The following ARAP2 variants were observed in gnomAD, a reference collection of about 807,000 sequenced individuals.
ARAP2 encodes arf-GAP with Rho-GAP domain, ANK repeat and PH domain-containing protein 2.
In ARAP2, 148 loss-of-function variants were observed where a neutral mutation model predicts 194.5. The ratio of observed to expected loss-of-function variants is 0.76; its 90% CI spans 0.67 to 0.87. The LOEUF (loss-of-function observed/expected upper bound fraction) is 0.87. ARAP2 is among the 40% of genes least tolerant of loss of function. ARAP2 has a pLI of 0.00. For missense variants in ARAP2, 2,128 were observed against 1,989.7 expected (o/e 1.07, Z -1.32); for synonymous variants, 695 against 683.5 (o/e 1.02, Z -0.26).
At chr4:36,010,586 C>T (rs1053429611) in intron 9 of ARAP2, among the ~76,000 whole-genome samples, 2 of 152,122 alleles carry the variant, frequency 1.3e-5, no homozygotes, top group Non-Finnish European at 2.9e-5. Context: ...TCAAAGACAA[C>T]AATTCTCTCA....
Position 36,091,918 on chromosome 4 carries a change from A to G in ARAP2, c.4388T>C (p.Leu1463Ser), listed in dbSNP as rs1490606526. ...GTAAAGAAAGAGAAACCCATCTCGT[A>G]AAACAAAATACCGGTCTTGAAACTT... ...GNKFQDRYFV[L>S]RDGFLFLYKD... Residue 1463 changes from leucine (L) to serine (S), a missense_variant, in exon 28 of 33, where the codon TTA becomes TCA. Coordinates refer to ENST00000303965, the MANE Select transcript of ARAP2 (RefSeq NM_015230.4). The G allele has an allele frequency of 6.2e-7, 1 of 1,607,866 alleles. No individual in the cohort carries two copies. The highest frequency in any genetic ancestry group is 1.7e-5 in the Admixed American group (1 of 59,884).
At chr4:36,083,864 G>A (rs1480024634) in intron 28 of ARAP2, among the ~76,000 whole-genome samples, 1 of 152,088 alleles carries the variant, frequency 6.6e-6, no homozygotes, top group African/African-American at 2.4e-5. Context: ...TTGAGTCAGT[G>A]GACTGGGTGG....
intron 27 of ARAP2, among the ~76,000 whole-genome samples, chr4:36,103,780 A>G (rs1380527901): frequency 6.6e-6 from 1 of 151,938 alleles, no homozygotes; most frequent in Non-Finnish European, 1.5e-5. Context: ...ATGAATGAGC[A>G]GAAATTAAGT....
intron 20 of ARAP2, 118 bp downstream of exon 20, chr4:36,133,108 A>AT (rs1292744588): frequency 2.1e-6 from 2 of 956,962 alleles, no homozygotes; most frequent in Non-Finnish European, 3.0e-6. Flanking sequence ...TTTATTTTTC[A>AT]CTAGGATACT....
chr4:36,138,245 C>A (rs936291053), intron 19 of ARAP2, among the ~76,000 whole-genome samples: 2 of 151,686 alleles, frequency 1.3e-5, no homozygotes, highest in Admixed American at 1.3e-4. Flanking sequence ...TTAATGAACT[C>A]ATTTTAAGTG....
chr4:36,035,212 G>C (rs1471957504), intron 5 of ARAP2, among the ~76,000 whole-genome samples: 1 of 151,816 alleles, frequency 6.6e-6, no homozygotes, highest in African/African-American at 2.4e-5. Context: ...TATCAGTCCT[G>C]GTCTCTTTTG....
chr4:36,164,583 C>T (rs1734839727), intron 11 of ARAP2, among the ~76,000 whole-genome samples: 1 of 152,080 alleles, frequency 6.6e-6, no homozygotes, highest in Non-Finnish European at 1.5e-5. Context: ...GAAAGGTGGA[C>T]AAATCTTCAA....
rs1753311066 is a variant in ARAP2 at position 36,240,536 on chromosome 4, C to A, written c.-160+3643G>T. Among the ~76,000 whole-genome samples the A allele has an allele frequency of 2.0e-5, 3 of 152,196 alleles. No individual in the cohort carries two copies. The South Asian group carries it at 6.2e-4, about 31-fold the overall frequency. Reference sequence around the variant, plus strand: ...TACCTGTGTGGCCTTGGGAGAATTCCTCTCTTTTCCTGAGCCTCACTGTTG... The same window carrying A: ...TACCTGTGTGGCCTTGGGAGAATTCATCTCTTTTCCTGAGCCTCACTGTTG... On this transcript the variant is annotated intron_variant, in intron 1 of 32. Coordinates refer to ENST00000303965, the MANE Select transcript of ARAP2 (RefSeq NM_015230.4).
chr4:36,146,199 A>G lies in ARAP2; in HGVS notation c.3263+1097T>C, dbSNP rs1729588481. Reference sequence around the variant, plus strand: ...ATCCTGACACCTCTAACTTCACGAAACATCCACTCACTCCTATTCTCAGGT... The same window carrying G: ...ATCCTGACACCTCTAACTTCACGAAGCATCCACTCACTCCTATTCTCAGGT... On this transcript the variant is annotated intron_variant, in intron 19 of 32. Coordinates refer to ENST00000303965, the MANE Select transcript of ARAP2 (RefSeq NM_015230.4). Among the ~76,000 whole-genome samples, 3 of 151,890 alleles carry G rather than the reference A, an allele frequency of 2.0e-5. No individual in the cohort carries two copies. In the South Asian group the frequency reaches 6.2e-4, roughly 32 times the overall value.
At chr4:36,137,392 T>C (rs1727102930) in intron 19 of ARAP2, among the ~76,000 whole-genome samples, 1 of 151,900 alleles carries the variant, frequency 6.6e-6, no homozygotes. Flanking sequence ...AGAGAATGCA[T>C]AATCGCACAT....
At chr4:36,123,881 T>C (rs539674706) in intron 22 of ARAP2, among the ~76,000 whole-genome samples, 6 of 151,614 alleles carry the variant, frequency 4.0e-5, no homozygotes, top group African/African-American at 1.5e-4. Context: ...CCAATTCATA[T>C]GTCCCTTTAA....
At chr4:36,195,161 C>T (rs910754057) in intron 6 of ARAP2, among the ~76,000 whole-genome samples, 1 of 50,208 alleles carries the variant, frequency 2.0e-5, no homozygotes, top group Non-Finnish European at 4.0e-5. Flanking sequence ...AGTGAGAGCC[C>T]CATCTCAAAA....
chr4:36,054,624 AAT>A (rs1446490043), intron 2 of ARAP2, among the ~76,000 whole-genome samples: 2 of 152,240 alleles, frequency 1.3e-5, no homozygotes, highest in South Asian at 2.1e-4. Context: ...GAGACTTTCC[AAT>A]TTTTTTATTT....
intron 27 of ARAP2, among the ~76,000 whole-genome samples, chr4:36,092,437 C>T (rs946287283): frequency 2.0e-5 from 3 of 151,982 alleles, no homozygotes; most frequent in Admixed American, 6.6e-5. Context: ...TGGGGAAACC[C>T]GTCTCTACTA....
chr4:36,025,057 C>T (rs1417555488), intron 5 of ARAP2, among the ~76,000 whole-genome samples: 3 of 152,070 alleles, frequency 2.0e-5, no homozygotes, highest in Non-Finnish European at 4.4e-5. Context: ...CCTTACTAAT[C>T]ACATATTCAA....
rs186388876 is a variant in ARAP2 at position 36,211,352 on chromosome 4, G to A, written c.1134-609C>T. 1.1e-3 allele frequency among the ~76,000 whole-genome samples: 164 copies of A among 152,240 alleles called. 1 individual carries two copies. The highest frequency in any genetic ancestry group is 3.6e-3 in the African/African-American group (150 of 41,552). On this transcript the variant is annotated intron_variant, in intron 5 of 32. Transcript: ENST00000303965. ...ATTCAGGAAGTAAAAGCTATGTAAT[G>A]CACAATATTTATTGGAATGCATTCA...
chr4:36,070,513 T>C (rs1330913290), intron 32 of ARAP2, among the ~76,000 whole-genome samples: 1 of 152,204 alleles, frequency 6.6e-6, no homozygotes, highest in Non-Finnish European at 1.5e-5. Context: ...AAACAGAGTC[T>C]GTCTCTCCCA....
chr4:36,196,723 G>A (rs906654914), intron 6 of ARAP2, among the ~76,000 whole-genome samples: 8 of 151,866 alleles, frequency 5.3e-5, no homozygotes, highest in South Asian at 2.1e-4. Flanking sequence ...TCCTACCATC[G>A]AAAGTTGGCT....
At chr4:36,199,293 T>TA (rs1043251632) in intron 6 of ARAP2, among the ~76,000 whole-genome samples, 4 of 152,306 alleles carry the variant, frequency 2.6e-5, no homozygotes, top group African/African-American at 4.8e-5. Context: ...ATTTTAGAAT[T>TA]AAAAAAAATT....
Sources: allele counts gnomAD v4.1 joint callset (sites outside exome capture counted in the v4.1 genomes callset), GRCh38; gene constraint gnomAD v4.1.1; transcripts MANE v1.5; gene names NCBI Gene and HGNC (gene_info 2026-07-23, HGNC 2026-07-21).